The following SPAST variants were observed in gnomAD, a reference collection of about 807,000 sequenced individuals.
The protein encoded by SPAST is spastin.
SPAST carries 30 observed loss-of-function variants against 76.6 expected under a neutral mutation model. The observed-to-expected ratio is 0.39, with a 90% confidence interval of 0.29 to 0.53. SPAST has a LOEUF of 0.53. SPAST is among the 20% of genes least tolerant of loss of function. The pLI, the probability that SPAST is intolerant of heterozygous loss-of-function variation, is 0.68. For missense variants in SPAST, 717 were observed against 770.5 expected, an observed-to-expected ratio of 0.93 and a Z score of 0.82; for synonymous variants, 305 against 281.0, an observed-to-expected ratio of 1.09 and a Z score of -0.86.
At chr2:32,070,478 G>T (rs1308183296) in intron 1 of SPAST, among the ~76,000 whole-genome samples, 2 of 152,194 alleles carry the variant, frequency 1.3e-5, no homozygotes, top group Non-Finnish European at 2.9e-5. Flanking sequence ...GAGAGGATAT[G>T]TGAAGTCTAT....
intron 4 of SPAST, among the ~76,000 whole-genome samples, chr2:32,113,233 G>A (rs551934984): frequency 6.6e-6 from 1 of 151,608 alleles, no homozygotes; most frequent in East Asian, 2.0e-4. Context: ...CTACAGGGAT[G>A]TGCCACCACG....
chr2:32,064,634 A>G (rs1676437143), intron 1 of SPAST, among the ~76,000 whole-genome samples: 1 of 152,214 alleles, frequency 6.6e-6, no homozygotes, highest in Non-Finnish European at 1.5e-5. Context: ...TTTGATATTG[A>G]AGAAGCAGTG....
At chr2:32,082,553 G>A (rs1026468702) in intron 1 of SPAST, among the ~76,000 whole-genome samples, 1 of 151,856 alleles carries the variant, frequency 6.6e-6, no homozygotes, top group African/African-American at 2.4e-5. Flanking sequence ...AAAATTAGCC[G>A]GGCGTGGTGG....
At chr2:32,149,099 C>CT (rs1290904906) in intron 16 of SPAST, among the ~76,000 whole-genome samples, 7 of 150,068 alleles carry the variant, frequency 4.7e-5, no homozygotes, top group East Asian at 2.0e-4. Context: ...TAATTAATTT[C>CT]TTTTTTTTGA....
intron 1 of SPAST, among the ~76,000 whole-genome samples, chr2:32,067,398 A>C (rs2148689340): frequency 6.6e-6 from 1 of 152,108 alleles, no homozygotes; most frequent in South Asian, 2.1e-4. Context: ...GGTTGATGGG[A>C]GTTGGGAGGT....
At chr2:32,144,441 TA>T (rs1679819288) in intron 14 of SPAST, among the ~76,000 whole-genome samples, 1 of 152,234 alleles carries the variant, frequency 6.6e-6, no homozygotes, top group African/African-American at 2.4e-5. Context: ...TTCTAATGAT[TA>T]AAATTTGAGG....
At chr2:32,115,178 C>A (rs1678782156) in intron 5 of SPAST, among the ~76,000 whole-genome samples, 1 of 151,936 alleles carries the variant, frequency 6.6e-6, no homozygotes, top group African/African-American at 2.4e-5. Flanking sequence ...AAACTCCCGA[C>A]CTCAGGTGAT....
In SPAST at chr2:32,091,439, C is replaced by G. The variant is rs1367976454; in HGVS notation, c.586+1834C>G. Reference sequence around the variant, plus strand: ...AGGATTACAGGGGCCTACCACCACACCTAATTTTTGTATTTTTAGTAGGGA... The same window carrying G: ...AGGATTACAGGGGCCTACCACCACAGCTAATTTTTGTATTTTTAGTAGGGA... On this transcript the variant is annotated intron_variant, in intron 3 of 16. Transcript: ENST00000315285. Among the ~76,000 whole-genome samples the G allele has an allele frequency of 2.0e-5, 3 of 151,306 alleles. No individual in the cohort carries two copies. In the East Asian group the frequency reaches 6.0e-4, roughly 30 times the overall value.
intron 3 of SPAST, among the ~76,000 whole-genome samples, chr2:32,090,882 G>A (rs777444601): frequency 9.9e-5 from 15 of 152,064 alleles, no homozygotes; most frequent in Non-Finnish European, 1.9e-4. Context: ...TACTTCCTAG[G>A]TGGTTGTGTT....
intron 4 of SPAST, among the ~76,000 whole-genome samples, chr2:32,101,827 G>C (rs897297280): frequency 1.3e-5 from 2 of 152,178 alleles, no homozygotes; most frequent in African/African-American, 2.4e-5. Context: ...CTGTTCCATT[G>C]GTCTATATCT....
intron 9 of SPAST, among the ~76,000 whole-genome samples, chr2:32,131,316 T>C (rs932704223): frequency 1.1e-4 from 17 of 152,202 alleles, no homozygotes; most frequent in Non-Finnish European, 2.4e-4. Flanking sequence ...TAGCACCACT[T>C]GCACCTCATT....
chr2:32,098,282 A>G (rs1208139746), intron 3 of SPAST, among the ~76,000 whole-genome samples: 2 of 152,214 alleles, frequency 1.3e-5, no homozygotes, highest in Non-Finnish European at 2.9e-5. Context: ...CCTGTGGAAC[A>G]TATTGAGACC....
rs555159078 is a variant in SPAST, at chr2:32,132,986, C to G, written c.1246-3577C>G. ...ACTTGAGCCCAGGAGGCGGAGGTTG[C>G]GGTGAGCCGAGATTGCGCCATTCCA... On this transcript the variant is annotated intron_variant, in intron 9 of 16. Transcript: ENST00000315285. 2.0e-5 allele frequency among the ~76,000 whole-genome samples: 3 copies of G among 151,798 alleles called. No individual in the cohort carries two copies. The East Asian group carries it at 5.8e-4, about 29-fold the overall frequency.
Position 32,155,261 on chromosome 2 carries a change from A to C in SPAST, c.*765A>C, listed in dbSNP as rs141666739. ...GATCAGTCTTCATGTGACCTGCAGTATTTTTTTTTCTAATGTATTTGTCAG... is the reference window on the plus strand; with the variant it reads ...GATCAGTCTTCATGTGACCTGCAGTCTTTTTTTTTCTAATGTATTTGTCAG... On this transcript the variant is annotated 3_prime_UTR_variant, in exon 17 of 17. Transcript: ENST00000315285. 1,264 of 151,870 alleles carry C rather than the reference A, an allele frequency of 8.3e-3. 11 individuals are homozygous for C. Among genetic ancestry groups the C allele is most frequent in the South Asian group, 0.031 (147 of 4,800 alleles). The allele number at this position is 151,870 out of a possible 1,614,324, so 9.4% of individuals were successfully genotyped here.
intron 3 of SPAST, among the ~76,000 whole-genome samples, chr2:32,096,272 TAAAATTACA>T (rs1357083644): frequency 6.6e-6 from 1 of 152,100 alleles, no homozygotes; most frequent in Non-Finnish European, 1.5e-5. Context: ...TTGTATCTAC[TAAAATTACA>T]AAAATTAGCT....
At position 32,105,936 on chromosome 2, in the gene SPAST, C is replaced by T. The variant is rs188167793; in HGVS notation, c.682+7045C>T. Among the ~76,000 whole-genome samples, 284 of 152,298 alleles carry T rather than the reference C, an allele frequency of 1.9e-3. 2 individuals are homozygous for T. Among genetic ancestry groups the T allele is most frequent in the African/African-American group, 6.5e-3 (272 of 41,568 alleles). ...GACCCACTTGAGGAGGCAGTCTGTC[C>T]GTTCGCCGATCTCAAACTCCATGCT... is the stretch of plus-strand genomic sequence containing the variant. On this transcript the variant is annotated intron_variant, in intron 4 of 16. Transcript: ENST00000315285.
In SPAST at chr2:32,072,295, G is replaced by A. The variant is rs1471349291; in HGVS notation, c.415+8049G>A. Among the ~76,000 whole-genome samples the A allele has an allele frequency of 7.9e-5, 12 of 152,010 alleles. No homozygotes were observed. The East Asian group carries it at 1.7e-3, about 22-fold the overall frequency. On this transcript the variant is annotated intron_variant, in intron 1 of 16. Transcript: ENST00000315285. ...CTTGACCTCGTGATTCACCCGCCTCGGCCTCCCAAAGTGCTGGGATTACAG... is the reference window on the plus strand; with the variant it reads ...CTTGACCTCGTGATTCACCCGCCTCAGCCTCCCAAAGTGCTGGGATTACAG...
intron 8 of SPAST, 102 bp from the exon 9 acceptor site, chr2:32,128,306 A>G: frequency 1.1e-6 from 1 of 917,424 alleles, no homozygotes; most frequent in Admixed American, 2.0e-5. Flanking sequence ...CATAGCTTAC[A>G]TTTTTAGAGA....
At chr2:32,087,097 A>G (rs1002412196) in intron 1 of SPAST, among the ~76,000 whole-genome samples, 7 of 152,220 alleles carry the variant, frequency 4.6e-5, no homozygotes, top group African/African-American at 1.7e-4. Flanking sequence ...AGCAATGAAC[A>G]CATTATATCA....
Sources: allele counts gnomAD v4.1 joint callset (sites outside exome capture counted in the v4.1 genomes callset), GRCh38; gene constraint gnomAD v4.1.1; transcripts MANE v1.5; gene names NCBI Gene and HGNC (gene_info 2026-07-23, HGNC 2026-07-21).